PARD3: variants seen among roughly 807,000 people sequenced by gnomAD.
PARD3 encodes the protein par-3 family cell polarity regulator.
PARD3 carries 75 observed loss-of-function variants against 155.4 expected under a neutral mutation model. The ratio of observed to expected loss-of-function variants is 0.48; its 90% CI spans 0.40 to 0.58. The LOEUF (loss-of-function observed/expected upper bound fraction) is 0.58. PARD3 is among the 20% of genes least tolerant of loss of function. The probability of loss-of-function intolerance (pLI) is 0.00; values close to 1 mark genes in which losing one functional copy is unlikely to be tolerated. For missense variants in PARD3, 1,642 were observed against 1,721.7 expected, an observed-to-expected ratio of 0.95 and a Z score of 0.82; for synonymous variants, 576 against 610.5, an observed-to-expected ratio of 0.94 and a Z score of 0.83.
At chr10:34,339,332 G>A (rs987357988) in intron 16 of PARD3, among the ~76,000 whole-genome samples, 3 of 151,900 alleles carry the variant, frequency 2.0e-5, no homozygotes, top group Admixed American at 2.0e-4. Flanking sequence ...ACTCCAGCCT[G>A]GGCAACAGAG....
intron 23 of PARD3, among the ~76,000 whole-genome samples, chr10:34,123,950 C>T (rs1409561822): frequency 1.3e-5 from 2 of 152,082 alleles, no homozygotes; most frequent in Non-Finnish European, 2.9e-5. Flanking sequence ...GAGTGTGCTG[C>T]CACTTATGAA....
At chr10:34,396,363 A>G (rs1843345019) in intron 7 of PARD3, among the ~76,000 whole-genome samples, 2 of 152,080 alleles carry the variant, frequency 1.3e-5, no homozygotes, top group African/African-American at 4.8e-5. Context: ...ACAAACACAA[A>G]AAAACCAACA....
rs1842127361 is a variant in PARD3, at chr10:34,384,254, T to C, written c.891A>G (p.Arg297=). 1 of 1,612,584 alleles carries C rather than the reference T, an allele frequency of 6.2e-7. No homozygotes were observed. Among genetic ancestry groups the C allele is most frequent in the Admixed American group, 1.7e-5 (1 of 59,936 alleles). ...HVVPFSARGG[R]TLGLLVKRLE... ...ATCGTTTTACTAATAACCCCAGGGT[T>C]CTGGAACATTAAGAATGCAAATGAT... The change falls in exon 8 of 25, where the codon AGA becomes AGG. Residue 297 remains arginine, a splice_region_variant and synonymous_variant. Coordinates refer to ENST00000374788, the MANE Select transcript of PARD3 (RefSeq NM_001184785.2).
intron 20 of PARD3, among the ~76,000 whole-genome samples, chr10:34,288,363 T>C (rs1956503839): frequency 6.6e-6 from 1 of 152,232 alleles, no homozygotes; most frequent in African/African-American, 2.4e-5. Context: ...TCACAGCATA[T>C]TACTTTATAA....
At chr10:34,253,880 G>A (rs1267071331) in intron 22 of PARD3, among the ~76,000 whole-genome samples, 2 of 152,132 alleles carry the variant, frequency 1.3e-5, no homozygotes, top group East Asian at 3.9e-4. Flanking sequence ...CCTTAATAAT[G>A]TGGACACACA....
intron 2 of PARD3, among the ~76,000 whole-genome samples, chr10:34,680,117 T>A (rs189508803): frequency 6.6e-6 from 1 of 151,930 alleles, no homozygotes; most frequent in East Asian, 1.9e-4. Flanking sequence ...AAATAAAACA[T>A]GAGAAAATGG....
intron 22 of PARD3, among the ~76,000 whole-genome samples, chr10:34,221,388 CT>C (rs3039277): frequency 0.27 from 31,942 of 119,468 alleles, 3,607 homozygotes; most frequent in Non-Finnish European, 0.34. Flanking sequence ...CAGGACTTGC[CT>C]TTTTTTTTTT....
intron 2 of PARD3, among the ~76,000 whole-genome samples, chr10:34,656,467 T>A (rs1044274487): frequency 6.6e-6 from 1 of 152,186 alleles, no homozygotes; most frequent in African/African-American, 2.4e-5. Flanking sequence ...GCATTTCATA[T>A]CGAGGGTAGC....
At chr10:34,112,778 T>A (rs12764633) in intron 24 of PARD3, among the ~76,000 whole-genome samples, 2 of 152,328 alleles carry the variant, frequency 1.3e-5, no homozygotes, top group Middle Eastern at 3.4e-3. Flanking sequence ...ATGCACCCAT[T>A]TTCCATATGG....
chr10:34,481,607 T>C (rs957498782), intron 3 of PARD3, among the ~76,000 whole-genome samples: 4 of 152,196 alleles, frequency 2.6e-5, no homozygotes, highest in African/African-American at 9.7e-5. Flanking sequence ...AAGCAGCAGT[T>C]CACAACAATG....
At chr10:34,722,196 T>C (rs1345571526) in intron 1 of PARD3, among the ~76,000 whole-genome samples, 1 of 152,032 alleles carries the variant, frequency 6.6e-6, no homozygotes, top group East Asian at 1.9e-4. Flanking sequence ...TGTCTCAAAA[T>C]ATATATTTTT....
chr10:34,479,458 C>T (rs1461318718), intron 3 of PARD3, among the ~76,000 whole-genome samples: 2 of 152,128 alleles, frequency 1.3e-5, no homozygotes, highest in East Asian at 1.9e-4. Flanking sequence ...TGAGCCACGG[C>T]ACCCAGCCTT....
chr10:34,577,750 G>A (rs1175665011), intron 2 of PARD3, among the ~76,000 whole-genome samples: 3 of 152,324 alleles, frequency 2.0e-5, no homozygotes, highest in South Asian at 2.1e-4. Context: ...AGGCACACAC[G>A]TGGGTACATA....
At chr10:34,225,697 AC>A (rs1481247039) in intron 22 of PARD3, among the ~76,000 whole-genome samples, 2 of 152,142 alleles carry the variant, frequency 1.3e-5, no homozygotes, top group Non-Finnish European at 2.9e-5. Context: ...GAGCAAGATA[AC>A]TTGAGTTTCT....
intron 9 of PARD3, among the ~76,000 whole-genome samples, chr10:34,378,965 A>T (rs1841546136): frequency 6.6e-6 from 1 of 152,190 alleles, no homozygotes; most frequent in Admixed American, 6.5e-5. Flanking sequence ...AGAAGCCAAC[A>T]CGTGCCCAGG....
chr10:34,174,047 C>A (rs990917118), intron 22 of PARD3, among the ~76,000 whole-genome samples: 7 of 152,148 alleles, frequency 4.6e-5, no homozygotes, highest in African/African-American at 1.4e-4. Flanking sequence ...CATGGTTGGT[C>A]ATGAAAGCAA....
intron 2 of PARD3, among the ~76,000 whole-genome samples, chr10:34,534,428 AG>A (rs1224982513): frequency 6.6e-6 from 1 of 152,080 alleles, no homozygotes; most frequent in African/African-American, 2.4e-5. Flanking sequence ...GCAGCCCTGG[AG>A]GTCAGAAGAC....
intron 24 of PARD3, among the ~76,000 whole-genome samples, chr10:34,118,121 C>A (rs1008975994): frequency 6.6e-6 from 1 of 152,130 alleles, no homozygotes; most frequent in Non-Finnish European, 1.5e-5. Context: ...TTACCTACAG[C>A]AGGCTAAAGA....
At chr10:34,389,727 G>A (rs1842700214) in intron 7 of PARD3, among the ~76,000 whole-genome samples, 1 of 151,728 alleles carries the variant, frequency 6.6e-6, no homozygotes, top group South Asian at 2.1e-4. Context: ...GCCCATGGGG[G>A]GCCAGCAACT....
Sources: gnomAD v4.1 joint callset for allele counts (sites outside exome capture counted in the v4.1 genomes callset) on GRCh38, gnomAD v4.1.1 for gene constraint, MANE v1.5 for transcripts, NCBI Gene and HGNC (gene_info 2026-07-23, HGNC 2026-07-21) for gene names.